The following HTR7 variants were observed in gnomAD, a reference collection of about 807,000 sequenced individuals.
The protein encoded by HTR7 is 5-HT-7.
In HTR7, 16 loss-of-function variants were observed where a neutral mutation model predicts 34.0. The observed-to-expected ratio is 0.47, with a 90% CI of 0.32 to 0.71. The LOEUF (loss-of-function observed/expected upper bound fraction) is 0.71. Among genes scored for constraint, HTR7 ranks in the 30% least tolerant of loss-of-function variants. The pLI, the probability that HTR7 is intolerant of heterozygous loss-of-function variation, is 0.04. For synonymous variants in HTR7, 265 were observed against 260.2 expected, an observed-to-expected ratio of 1.02 and a Z score of -0.18; for missense variants, 504 against 625.5, an observed-to-expected ratio of 0.81 and a Z score of 2.07.
chr10:90,767,348 G>A (rs1788513216), intron 1 of HTR7, among the ~76,000 whole-genome samples: 1 of 152,120 alleles, frequency 6.6e-6, no homozygotes, highest in South Asian at 2.1e-4. Flanking sequence ...CATGAACTTG[G>A]CAAGTTTGGA....
intron 1 of HTR7, 138 bp downstream of exon 1, chr10:90,856,995 G>C (rs1037892555): frequency 3.6e-5 from 27 of 750,450 alleles, no homozygotes; most frequent in Admixed American, 2.7e-4. Flanking sequence ...GGGTGGATTG[G>C]GGGGAGCGGT....
chr10:90,811,807 T>C (rs1455492568), intron 1 of HTR7, among the ~76,000 whole-genome samples: 3 of 152,102 alleles, frequency 2.0e-5, no homozygotes, highest in Non-Finnish European at 4.4e-5. Flanking sequence ...ACTGAATAAG[T>C]AAAGGCCTTT....
rs1273618438 is a variant in HTR7, at chr10:90,742,303, AAGG to A, written c.*176_*178del. 1.4e-5 allele frequency: 7 copies of A among 515,930 alleles called. No individual in the cohort carries two copies. The highest frequency in any genetic ancestry group is 6.3e-5 in the East Asian group (2 of 31,944). 32.0% of individuals were successfully genotyped at this position (515,930 alleles called of 1,614,324 possible). ...CACAATAGCACTGATCCACAGAAAA[AAGG>A]AGAAGTCACCATCTCCCTCATAAGA... On this transcript the variant is annotated 3_prime_UTR_variant, in exon 4 of 4. Coordinates refer to ENST00000336152, the MANE Select transcript of HTR7 (RefSeq NM_019859.4).
intron 1 of HTR7, among the ~76,000 whole-genome samples, chr10:90,817,499 T>C (rs1845915540): frequency 6.6e-6 from 1 of 152,226 alleles, no homozygotes; most frequent in African/African-American, 2.4e-5. Flanking sequence ...GTTCACCTTA[T>C]CTTATGTAAG....
chr10:90,823,853 A>G (rs758393077), intron 1 of HTR7, among the ~76,000 whole-genome samples: 4 of 151,386 alleles, frequency 2.6e-5, no homozygotes, highest in Admixed American at 6.6e-5. Context: ...CTCCCCTTTC[A>G]CTCTCTTTTT....
At chr10:90,773,094 G>A (rs2119821457) in intron 1 of HTR7, among the ~76,000 whole-genome samples, 1 of 152,242 alleles carries the variant, frequency 6.6e-6, no homozygotes, top group South Asian at 2.1e-4. Flanking sequence ...AAGAATAACT[G>A]AAATTTCTAG....
intron 1 of HTR7, among the ~76,000 whole-genome samples, chr10:90,758,759 G>C (rs1844880786): frequency 6.6e-6 from 1 of 151,868 alleles, no homozygotes; most frequent in Non-Finnish European, 1.5e-5. Context: ...GACATGGAAA[G>C]ACCACTGCAG....
chr10:90,804,195 A>C (rs1845669108), intron 1 of HTR7, among the ~76,000 whole-genome samples: 1 of 152,042 alleles, frequency 6.6e-6, no homozygotes, highest in Non-Finnish European at 1.5e-5. Context: ...TTCTTCCCGC[A>C]CCATCCCCTT....
At chr10:90,846,180 G>C (rs1190189380) in intron 1 of HTR7, among the ~76,000 whole-genome samples, 1 of 152,126 alleles carries the variant, frequency 6.6e-6, no homozygotes, top group African/African-American at 2.4e-5. Context: ...ATTCATTTAT[G>C]TTCTATATTT....
chr10:90,761,826 T>TA (rs1229960055), intron 1 of HTR7, among the ~76,000 whole-genome samples: 1 of 152,174 alleles, frequency 6.6e-6, no homozygotes, highest in Non-Finnish European at 1.5e-5. Context: ...ACAACCATGC[T>TA]ACTCTCTCTT....
chr10:90,780,257 C>T (rs549200676), intron 1 of HTR7, among the ~76,000 whole-genome samples: 1 of 152,094 alleles, frequency 6.6e-6, no homozygotes, highest in South Asian at 2.1e-4. Flanking sequence ...AAAATTCGGC[C>T]GGGCGCGGTG....
At chr10:90,802,900 G>A (rs1684168789) in intron 1 of HTR7, among the ~76,000 whole-genome samples, 1 of 151,764 alleles carries the variant, frequency 6.6e-6, no homozygotes, top group Non-Finnish European at 1.5e-5. Flanking sequence ...GGCATATGGT[G>A]GTTTTGGGCC....
chr10:90,781,719 C>T (rs1240748152), intron 1 of HTR7, among the ~76,000 whole-genome samples: 1 of 152,160 alleles, frequency 6.6e-6, no homozygotes, highest in Non-Finnish European at 1.5e-5. Context: ...AACTAAAGTC[C>T]TTCCCCATCA....
At chr10:90,782,905 TTA>T (rs1411025450) in intron 1 of HTR7, among the ~76,000 whole-genome samples, 1 of 152,226 alleles carries the variant, frequency 6.6e-6, no homozygotes, top group South Asian at 2.1e-4. Flanking sequence ...CATGGCTATT[TTA>T]TGTTTGGTAT....
At position 90,803,893 on chromosome 10, in the gene HTR7, T is replaced by C. The variant is rs561884909; in HGVS notation, c.539+53240A>G. On this transcript the variant is annotated intron_variant, in intron 1 of 3. Transcript: ENST00000336152. ...GGTTCCACCTGCAAGCCTGTGCCTG[T>C]GGCCCTAAATGAGAACTTCACATCC... Among the ~76,000 whole-genome samples the C allele has an allele frequency of 4.6e-5, 7 of 152,270 alleles. No individual in the cohort carries two copies. In the East Asian group the frequency reaches 1.2e-3, roughly 25 times the overall value.
rs767471859 is a variant in HTR7, at chr10:90,749,258, T to C, written c.876A>G (p.Ile292Met). The change falls in exon 2 of 4, where the codon ATA becomes ATG. Residue 292 changes from isoleucine (I) to methionine (M), a missense_variant. By Grantham distance (10) the Ile-to-Met change is conservative. Transcript: ENST00000336152. This position sits in a 1 kb window ranked among gnomAD's most constrained non-coding sequence, Gnocchi z 4.2. The part of the protein sequence containing the change: ...EPDSVIALNG[I>M]VKLQKEVEEC... The stretch of plus-strand genomic sequence containing the variant: ...CTTCCACCTCCTTCTGGAGCTTCAC[T>C]ATGCCATTCAGGGCGATGACGCTGT... The C allele has an allele frequency of 1.2e-6, 2 of 1,614,006 alleles. No individual in the cohort carries two copies. The highest frequency in any genetic ancestry group is 2.7e-5 in the African/African-American group (2 of 74,928).
At chr10:90,841,540 C>T (rs1846329966) in intron 1 of HTR7, among the ~76,000 whole-genome samples, 1 of 152,130 alleles carries the variant, frequency 6.6e-6, no homozygotes, top group African/African-American at 2.4e-5. Context: ...GGCCCCCTTC[C>T]ATTCTGAAAT....
At chr10:90,789,238 A>G (rs548091805) in intron 1 of HTR7, among the ~76,000 whole-genome samples, 7 of 152,198 alleles carry the variant, frequency 4.6e-5, no homozygotes, top group Non-Finnish European at 1.0e-4. Flanking sequence ...AAAGCTCCTG[A>G]AAGTAGCATA....
At chr10:90,853,459 T>G (rs533043799) in intron 1 of HTR7, among the ~76,000 whole-genome samples, 10 of 150,742 alleles carry the variant, frequency 6.6e-5, no homozygotes, top group African/African-American at 2.4e-4. Context: ...CTTTTTTGTT[T>G]CTTTTCTTTT....
Sources: allele counts gnomAD v4.1 joint callset (sites outside exome capture counted in the v4.1 genomes callset), GRCh38; gene constraint gnomAD v4.1.1; non-coding constraint Gnocchi (gnomAD v3.1); transcripts MANE v1.5; gene names NCBI Gene and HGNC (gene_info 2026-07-23, HGNC 2026-07-21).